Variants in ARL15 observed in about 807,000 individuals in gnomAD.
The protein encoded by ARL15 is ARF like GTPase 15.
A neutral mutation model predicts 25.2 loss-of-function variants in ARL15; 19 were observed. The ratio of observed to expected loss-of-function variants is 0.75; its 90% confidence interval spans 0.53 to 1.10. The LOEUF is 1.10. Among genes scored for constraint, ARL15 ranks in the 50% least tolerant of loss-of-function variants. ARL15 has a pLI of 0.00. For missense variants in ARL15, 220 were observed against 246.0 expected, an observed-to-expected ratio of 0.89 and a Z score of 0.71; for synonymous variants, 94 against 86.8, an observed-to-expected ratio of 1.08 and a Z score of -0.46.
intron 4 of ARL15, among the ~76,000 whole-genome samples, chr5:54,015,447 A>G (rs918808516): frequency 2.6e-5 from 4 of 152,198 alleles, no homozygotes; most frequent in African/African-American, 9.6e-5. Context: ...CAGTTTAACT[A>G]TCTCCTTAAC....
intron 3 of ARL15, among the ~76,000 whole-genome samples, chr5:54,122,466 G>A (rs1325742201): frequency 1.3e-5 from 2 of 152,254 alleles, no homozygotes; most frequent in Non-Finnish European, 2.9e-5. Context: ...ATACCTTTGA[G>A]AGATGATGTT....
rs1232489921 is a variant in ARL15, at chr5:54,199,285, G to A, written c.49-27357C>T. On this transcript the variant is annotated intron_variant, in intron 1 of 4. Coordinates refer to ENST00000504924, the MANE Select transcript of ARL15 (RefSeq NM_019087.3). ...CCAAAAGCAATGGCAACAAAAGCCA[G>A]AATTGACAAATGGGATATAATTAAA... 4.6e-5 allele frequency among the ~76,000 whole-genome samples: 7 copies of A among 152,106 alleles called. No individual in the cohort carries two copies. The East Asian group carries it at 5.8e-4, about 13-fold the overall frequency.
At chr5:54,062,992 T>C (rs1751113986) in intron 4 of ARL15, among the ~76,000 whole-genome samples, 2 of 152,208 alleles carry the variant, frequency 1.3e-5, no homozygotes, top group Non-Finnish European at 2.9e-5. Context: ...TTCTTTTATA[T>C]TTAAATTCCC....
chr5:53,890,252 G>A (rs1469504972), intron 4 of ARL15, among the ~76,000 whole-genome samples: 1 of 152,104 alleles, frequency 6.6e-6, no homozygotes, highest in South Asian at 2.1e-4. Flanking sequence ...TTGATGTACA[G>A]TTTTAAAGAA....
intron 3 of ARL15, among the ~76,000 whole-genome samples, chr5:54,140,534 AC>A (rs1753744942): frequency 6.6e-6 from 1 of 152,140 alleles, no homozygotes; most frequent in Non-Finnish European, 1.5e-5. Context: ...AAGAAAAAGA[AC>A]ATGATAGTGG....
chr5:54,203,953 G>A (rs1277940834), intron 1 of ARL15, among the ~76,000 whole-genome samples: 1 of 152,106 alleles, frequency 6.6e-6, no homozygotes, highest in East Asian at 1.9e-4. Context: ...CCTGAGGGTT[G>A]TTTTTCTAAT....
At chr5:54,195,720 T>G (rs1404381965) in intron 1 of ARL15, among the ~76,000 whole-genome samples, 1 of 152,150 alleles carries the variant, frequency 6.6e-6, no homozygotes, top group Non-Finnish European at 1.5e-5. Flanking sequence ...TACTAATATA[T>G]ATATACATCT....
chr5:53,926,402 A>G (rs1299739491), intron 4 of ARL15, among the ~76,000 whole-genome samples: 1 of 110,654 alleles, frequency 9.0e-6, no homozygotes. Flanking sequence ...ACATGCAGCC[A>G]CGGCGGGAAA....
At chr5:54,177,991 G>C (rs1754933739) in intron 1 of ARL15, among the ~76,000 whole-genome samples, 1 of 152,136 alleles carries the variant, frequency 6.6e-6, no homozygotes, top group African/African-American at 2.4e-5. Flanking sequence ...AAGATTCACT[G>C]GCTGATAGAA....
At chr5:54,150,456 A>T (rs1284349106) in intron 3 of ARL15, among the ~76,000 whole-genome samples, 1 of 152,164 alleles carries the variant, frequency 6.6e-6, no homozygotes, top group African/African-American at 2.4e-5. Flanking sequence ...TTAGAGATTA[A>T]GTCCTATAAA....
At chr5:54,020,243 C>G (rs951923428) in intron 4 of ARL15, among the ~76,000 whole-genome samples, 22 of 152,124 alleles carry the variant, frequency 1.4e-4, no homozygotes, top group African/African-American at 5.1e-4. Context: ...CCTTTCCCCT[C>G]CTTACAGGAG....
chr5:54,294,919 G>A (rs570168214), intron 1 of ARL15, among the ~76,000 whole-genome samples: 1 of 152,322 alleles, frequency 6.6e-6, no homozygotes, highest in South Asian at 2.1e-4. Flanking sequence ...CTTTAAGACA[G>A]ATGAGGAAAA....
chr5:53,995,303 CAA>C (rs34234639), intron 4 of ARL15, among the ~76,000 whole-genome samples: 731 of 44,532 alleles, frequency 0.016, 1 homozygote, highest in African/African-American at 0.053. Context: ...GACTCCGTCA[CAA>C]AAAAAAAAAA....
chr5:54,117,662 G>C (rs1752946153), intron 3 of ARL15, among the ~76,000 whole-genome samples: 1 of 152,080 alleles, frequency 6.6e-6, no homozygotes, highest in Admixed American at 6.6e-5. Context: ...CAGTTGATTT[G>C]ACAATAAGCA....
intron 4 of ARL15, among the ~76,000 whole-genome samples, chr5:54,049,008 T>A (rs1299646614): frequency 6.6e-6 from 1 of 151,974 alleles, no homozygotes; most frequent in Non-Finnish European, 1.5e-5. Flanking sequence ...CCAAAATGTA[T>A]AATTGGAAAA....
intron 1 of ARL15, among the ~76,000 whole-genome samples, chr5:54,236,356 G>C (rs1331827739): frequency 6.6e-6 from 1 of 151,132 alleles, no homozygotes; most frequent in Non-Finnish European, 1.5e-5. Flanking sequence ...TGAATAACTG[G>C]CTTTATTAAT....
At chr5:53,896,017 T>TAA (rs1449678501) in intron 4 of ARL15, among the ~76,000 whole-genome samples, 1 of 152,174 alleles carries the variant, frequency 6.6e-6, no homozygotes, top group Non-Finnish European at 1.5e-5. Context: ...TGGGGTTATT[T>TAA]TATCATTTTA....
chr5:54,067,745 G>A (rs1430747498), intron 4 of ARL15, among the ~76,000 whole-genome samples: 5 of 152,298 alleles, frequency 3.3e-5, no homozygotes, highest in African/African-American at 1.2e-4. Flanking sequence ...GGCACGTAGT[G>A]AGCACTCAAT....
At chr5:53,965,867 A>T (rs1747543287) in intron 4 of ARL15, among the ~76,000 whole-genome samples, 1 of 152,210 alleles carries the variant, frequency 6.6e-6, no homozygotes, top group East Asian at 1.9e-4. Context: ...ATAAAAATGT[A>T]AAAGAATTAT....
Sources: gnomAD v4.1 joint callset for allele counts (sites outside exome capture counted in the v4.1 genomes callset) on GRCh38, gnomAD v4.1.1 for gene constraint, MANE v1.5 for transcripts, NCBI Gene and HGNC (gene_info 2026-07-23, HGNC 2026-07-21) for gene names.